The following PDE1C variants were observed in gnomAD, a reference collection of about 807,000 sequenced individuals.
The protein encoded by PDE1C is phosphodiesterase 1C.
In PDE1C, 62 loss-of-function variants were observed where a neutral mutation model predicts 93.1. The observed-to-expected ratio is 0.67, with a 90% CI of 0.54 to 0.82. The LOEUF (loss-of-function observed/expected upper bound fraction) is 0.82, where lower values mean the gene tolerates loss of function less well. PDE1C is among the 40% of genes least tolerant of loss of function. PDE1C has a pLI of 0.00. For synonymous variants in PDE1C, 325 were observed against 310.1 expected (o/e 1.05, Z -0.50); for missense variants, 742 against 884.6 (o/e 0.84, Z 2.04).
intron 3 of PDE1C, among the ~76,000 whole-genome samples, chr7:32,115,442 G>T (rs184426217): frequency 7.1e-4 from 108 of 152,200 alleles, no homozygotes; most frequent in African/African-American, 2.5e-3. Flanking sequence ...CACAGGGAGG[G>T]GAACAACACA....
At chr7:32,093,863 T>A (rs11975956) in intron 3 of PDE1C, among the ~76,000 whole-genome samples, 1 of 152,052 alleles carries the variant, frequency 6.6e-6, no homozygotes, top group African/African-American at 2.4e-5. Context: ...GAGCTCTTTA[T>A]CAGATGGGCC....
intron 1 of PDE1C, among the ~76,000 whole-genome samples, chr7:32,255,886 A>G (rs1438406885): frequency 6.6e-6 from 1 of 152,202 alleles, no homozygotes; most frequent in Non-Finnish European, 1.5e-5. Flanking sequence ...GACTATGGTG[A>G]GAAATTCCTC....
intron 1 of PDE1C, among the ~76,000 whole-genome samples, chr7:32,423,334 A>T (rs925104374): frequency 6.6e-6 from 1 of 152,222 alleles, no homozygotes; most frequent in East Asian, 1.9e-4. Flanking sequence ...CTGTGACTGC[A>T]TCACTGCACT....
intron 1 of PDE1C, among the ~76,000 whole-genome samples, chr7:32,395,493 G>C (rs902432152): frequency 6.6e-6 from 1 of 152,176 alleles, no homozygotes; most frequent in African/African-American, 2.4e-5. Flanking sequence ...GTGGTGAGGT[G>C]GGGGGTAGTG....
chr7:32,205,339 G>A (rs1435010117), intron 2 of PDE1C, among the ~76,000 whole-genome samples: 1 of 152,194 alleles, frequency 6.6e-6, no homozygotes, highest in Admixed American at 6.5e-5. Flanking sequence ...TAGCATTGAG[G>A]TGAATCTGGC....
chr7:32,205,726 C>G (rs13221284), intron 2 of PDE1C, among the ~76,000 whole-genome samples: 51,832 of 152,014 alleles, frequency 0.34, 9,438 homozygotes, highest in Admixed American at 0.46. Context: ...CTGTAACACT[C>G]ATTCTGCAGT....
At chr7:31,652,538 A>G in the PDE1C span, 1 of 1,603,368 alleles carries the variant, frequency 6.2e-7, no homozygotes, top group Non-Finnish European at 8.5e-7. Context: ...TTCTCACAGC[A>G]GAGCCACCTG....
intron 3 of PDE1C, chr7:31,879,394 G>A (rs1796982525): frequency 5.8e-6 from 3 of 517,778 alleles, no homozygotes; most frequent in Non-Finnish European, 1.0e-5. Flanking sequence ...ATTTCAGGAT[G>A]GTTCTCTCTA....
intron 1 of PDE1C, among the ~76,000 whole-genome samples, chr7:32,379,051 C>T (rs1399037938): frequency 6.6e-6 from 1 of 152,218 alleles, no homozygotes; most frequent in African/African-American, 2.4e-5. Flanking sequence ...ATGTGACTTA[C>T]AATGCGTTCT....
the PDE1C span, chr7:31,643,159 CA>C: frequency 6.2e-7 from 1 of 1,613,972 alleles, no homozygotes; most frequent in South Asian, 1.1e-5. Context: ...CAATGAGTCT[CA>C]AAGGTCACCT....
At chr7:32,109,773 ATTTCTTTTCT>A (rs58891240) in intron 3 of PDE1C, among the ~76,000 whole-genome samples, 6 of 151,640 alleles carry the variant, frequency 4.0e-5, no homozygotes, top group African/African-American at 9.7e-5. Flanking sequence ...TTTTCATTTC[ATTTCTTTTCT>A]TTTCTTTTCT....
intron 1 of PDE1C, among the ~76,000 whole-genome samples, chr7:32,340,620 C>T (rs1376283): frequency 0.97 from 148,196 of 152,298 alleles, 72,122 homozygotes; most frequent in East Asian, 1. Context: ...CTCTGATAAA[C>T]AAACTGTGTT....
chr7:31,652,691 C>T, the PDE1C span: 1 of 1,613,874 alleles, frequency 6.2e-7, no homozygotes, highest in Non-Finnish European at 8.5e-7. Context: ...CAGGTGGGAC[C>T]CAGTTGGCTG....
At chr7:32,347,952 T>A (rs939637873) in intron 1 of PDE1C, among the ~76,000 whole-genome samples, 3 of 152,172 alleles carry the variant, frequency 2.0e-5, no homozygotes, top group Non-Finnish European at 4.4e-5. Flanking sequence ...TTTGTGATCA[T>A]TTGTTACAGA....
chr7:32,034,085 T>TGTGTGTGTGTGTG (rs534256672), intron 2 of PDE1C, among the ~76,000 whole-genome samples: 2 of 148,946 alleles, frequency 1.3e-5, no homozygotes, highest in African/African-American at 4.9e-5. Context: ...TGTGTGTGTG[T>TGTGTGTGTGTGTG]TTGCACGCAT....
chr7:31,828,402 A>C lies in PDE1C; in HGVS notation c.1204-29T>G, dbSNP rs1239936650. 4 of 1,582,346 alleles carry C rather than the reference A, an allele frequency of 2.5e-6. No homozygotes were observed. In the South Asian group the frequency reaches 4.5e-5, roughly 18 times the overall value. On this transcript the variant is annotated intron_variant, in intron 11 of 17. Transcript: ENST00000396191. ...GAAAAATAAAAGGTCATAGTAAATT[A>C]AGGAACAGTAGGCTGGGTCACCCAG... is the stretch of plus-strand genomic sequence containing the variant.
intron 1 of PDE1C, among the ~76,000 whole-genome samples, chr7:32,214,936 A>G (rs1806313014): frequency 6.6e-6 from 1 of 152,082 alleles, no homozygotes; most frequent in East Asian, 1.9e-4. Context: ...GTGCCTGTCA[A>G]TCTGGGTTTA....
chr7:32,134,429 T>C (rs941583843), intron 3 of PDE1C, among the ~76,000 whole-genome samples: 3 of 152,130 alleles, frequency 2.0e-5, no homozygotes, highest in Admixed American at 2.0e-4. Flanking sequence ...AGGCCCAGGA[T>C]GAAGCCCTAA....
chr7:32,273,913 T>C (rs1811127115), intron 1 of PDE1C, among the ~76,000 whole-genome samples: 1 of 152,238 alleles, frequency 6.6e-6, no homozygotes, highest in African/African-American at 2.4e-5. Flanking sequence ...AACAATGCAG[T>C]TAGAATAACA....
Sources: gnomAD v4.1 joint callset for allele counts (sites outside exome capture counted in the v4.1 genomes callset) on GRCh38, gnomAD v4.1.1 for gene constraint, MANE v1.5 for transcripts, NCBI Gene and HGNC (gene_info 2026-07-23, HGNC 2026-07-21) for gene names.